NREP: variants seen among roughly 807,000 people sequenced by gnomAD.
NREP encodes neuronal regeneration related protein.
In NREP, 5 loss-of-function variants were observed where a neutral mutation model predicts 8.6. The ratio of observed to expected loss-of-function variants is 0.58; its 90% CI spans 0.30 to 1.22. The LOEUF (loss-of-function observed/expected upper bound fraction) is 1.22. NREP is among the 50% of genes most tolerant of loss of function. The pLI is 0.07. For missense variants in NREP, 86 were observed against 82.5 expected (o/e 1.04, Z -0.17); for synonymous variants, 27 against 28.0 (o/e 0.96, Z 0.11).
chr5:111,871,216 A>G (rs1753783989), intron 2 of NREP, among the ~76,000 whole-genome samples: 1 of 152,188 alleles, frequency 6.6e-6, no homozygotes, highest in African/African-American at 2.4e-5. Context: ...GTTGTATGGT[A>G]GAGCCTATTG....
intron 2 of NREP, among the ~76,000 whole-genome samples, chr5:111,836,083 T>C (rs137988647): frequency 4.2e-4 from 64 of 152,240 alleles, no homozygotes; most frequent in Non-Finnish European, 4.7e-4. Flanking sequence ...CCTTCGTTCA[T>C]TCATTCAAAA....
intron 2 of NREP, among the ~76,000 whole-genome samples, chr5:111,832,411 G>C (rs1752793601): frequency 6.6e-6 from 1 of 152,068 alleles, no homozygotes; most frequent in African/African-American, 2.4e-5. Context: ...TGAGCCTGTA[G>C]TCCCAGCTAC....
chr5:111,912,943 A>C (rs191306196), intron 2 of NREP, among the ~76,000 whole-genome samples: 1 of 152,258 alleles, frequency 6.6e-6, no homozygotes, highest in Admixed American at 6.5e-5. Context: ...GTGTTTAAGA[A>C]ATATTTGTTC....
upstream of NREP, chr5:111,757,672 T>C (rs1375454609): frequency 1.0e-6 from 1 of 983,276 alleles, no homozygotes; most frequent in Non-Finnish European, 1.2e-6. Flanking sequence ...CCGTCCCCAC[T>C]GCACCGCGCG....
At chr5:111,822,411 A>T (rs1227828763) in intron 2 of NREP, among the ~76,000 whole-genome samples, 2 of 152,220 alleles carry the variant, frequency 1.3e-5, no homozygotes, top group Non-Finnish European at 2.9e-5. Flanking sequence ...GGGCAACAAA[A>T]ATTTGAGTTT....
intron 2 of NREP, among the ~76,000 whole-genome samples, chr5:111,843,801 T>C (rs1023241410): frequency 1.3e-5 from 2 of 152,180 alleles, no homozygotes; most frequent in Non-Finnish European, 2.9e-5. Flanking sequence ...CTCAGGCTGG[T>C]TGCCCTGGTT....
At chr5:111,843,167 T>G (rs1192389824) in intron 2 of NREP, among the ~76,000 whole-genome samples, 1 of 152,152 alleles carries the variant, frequency 6.6e-6, no homozygotes, top group Non-Finnish European at 1.5e-5. Context: ...TTTTAGGACT[T>G]TCATAACACA....
At chr5:111,821,364 T>A (rs1752510074) in intron 2 of NREP, among the ~76,000 whole-genome samples, 1 of 149,608 alleles carries the variant, frequency 6.7e-6, no homozygotes, top group African/African-American at 2.4e-5. Flanking sequence ...CATTCCCTTC[T>A]TTAAAAAAAA....
chr5:111,783,359 T>C (rs994425687), intron 2 of NREP, among the ~76,000 whole-genome samples: 3 of 152,174 alleles, frequency 2.0e-5, no homozygotes, highest in African/African-American at 4.8e-5. Context: ...TTACCTAGTA[T>C]ATTCTATATG....
At chr5:111,897,228 A>G (rs76282341) in intron 2 of NREP, among the ~76,000 whole-genome samples, 16,790 of 152,236 alleles carry the variant, frequency 0.11, 1,417 homozygotes, top group African/African-American at 0.23. Flanking sequence ...ATTTAAAAAA[A>G]TATTGTTCAA....
intron 2 of NREP, among the ~76,000 whole-genome samples, chr5:111,929,751 T>C (rs1755485646): frequency 6.6e-6 from 1 of 152,178 alleles, no homozygotes; most frequent in Admixed American, 6.6e-5. Flanking sequence ...TGTTTTCCAT[T>C]CTCAATCCTT....
upstream of NREP, among the ~76,000 whole-genome samples, chr5:111,762,706 G>T (rs1373376600): frequency 6.6e-6 from 1 of 152,106 alleles, no homozygotes; most frequent in Non-Finnish European, 1.5e-5. Context: ...TGACACCTTA[G>T]ATCTCAGAAT....
chr5:111,886,999 T>G (rs111677234), intron 2 of NREP, among the ~76,000 whole-genome samples: 1 of 144,522 alleles, frequency 6.9e-6, no homozygotes, highest in African/African-American at 2.5e-5. Context: ...ATAGAAAAAA[T>G]AAAAAAAAAA....
intron 2 of NREP, among the ~76,000 whole-genome samples, chr5:111,870,696 T>A (rs1561702086): frequency 6.6e-6 from 1 of 152,104 alleles, no homozygotes; most frequent in Non-Finnish European, 1.5e-5. Context: ...GTGGGCCATT[T>A]CCAGTATAAC....
In NREP at chr5:111,852,013, G is replaced by T. The variant is rs931481588; in HGVS notation, c.136-116506C>A. ...TTGAAACTTACCCCCCATTGTGGTA[G>T]TAGTAAGAGGCGGTGCCTTTGGGGA... On this transcript the variant is annotated intron_variant, in intron 2 of 3. Coordinates refer to the NREP transcript ENST00000395634. Among the ~76,000 whole-genome samples the T allele has an allele frequency of 3.9e-5, 6 of 152,290 alleles. No homozygotes were observed. In the East Asian group the frequency reaches 1.2e-3, roughly 29 times the overall value.
Position 111,751,915 on chromosome 5 carries a change from A to G in NREP, c.3+3855T>C, listed in dbSNP as rs147719050. 6.7e-3 allele frequency among the ~76,000 whole-genome samples: 1,014 copies of G among 152,338 alleles called. 17 individuals are homozygous for G. The highest frequency in any genetic ancestry group is 0.023 in the African/African-American group (960 of 41,572). On this transcript the variant is annotated intron_variant, in intron 2 of 3. Coordinates refer to ENST00000257435, the MANE Select transcript of NREP (RefSeq NM_004772.4). ...GAACAGCACTAATTAAAAAAAATGTAGGACCACGAAGTTACGCCAAGGATC... is the reference window on the plus strand; with the variant it reads ...GAACAGCACTAATTAAAAAAAATGTGGGACCACGAAGTTACGCCAAGGATC...
chr5:111,772,930 TA>T (rs1316118953), intron 2 of NREP, among the ~76,000 whole-genome samples: 27 of 152,196 alleles, frequency 1.8e-4, no homozygotes, highest in Admixed American at 1.7e-3. Flanking sequence ...TTCTCTTAAA[TA>T]GCAAAATGAT....
intron 2 of NREP, among the ~76,000 whole-genome samples, chr5:111,858,518 A>C (rs1250958132): frequency 6.6e-6 from 1 of 152,060 alleles, no homozygotes; most frequent in Admixed American, 6.6e-5. Context: ...CAAACATAAG[A>C]ATTTAGCCTG....
upstream of NREP, among the ~76,000 whole-genome samples, chr5:111,759,696 C>T (rs568644988): frequency 1.3e-5 from 2 of 152,304 alleles, no homozygotes; most frequent in East Asian, 3.9e-4. Flanking sequence ...TCTTGAGTCT[C>T]CTCTAGGTGA....
Sources: gnomAD v4.1 joint callset for allele counts (sites outside exome capture counted in the v4.1 genomes callset) on GRCh38, gnomAD v4.1.1 for gene constraint, MANE v1.5 for transcripts, NCBI Gene and HGNC (gene_info 2026-07-23, HGNC 2026-07-21) for gene names.